Variants in DCAF5 observed in about 807,000 individuals in gnomAD.
DCAF5 encodes DDB1- and CUL4-associated factor 5.
In DCAF5, 9 loss-of-function variants were observed where a neutral mutation model predicts 80.7. The observed-to-expected ratio is 0.11, with a 90% CI of 0.07 to 0.19. The LOEUF is 0.19. Among genes scored for constraint, DCAF5 ranks in the 10% least tolerant of loss-of-function variants. DCAF5 has a pLI of 1.00. For missense variants in DCAF5, 842 were observed against 1,205.7 expected (o/e 0.70, Z 4.47); for synonymous variants, 433 against 461.9 (o/e 0.94, Z 0.80).
intron 1 of DCAF5, among the ~76,000 whole-genome samples, chr14:69,122,811 G>A (rs188734248): frequency 3.9e-5 from 6 of 152,246 alleles, no homozygotes; most frequent in Non-Finnish European, 8.8e-5. Flanking sequence ...TTCTTGATAT[G>A]ATCTCATTGA....
In DCAF5 at chr14:69,125,433, T is replaced by C. The variant is rs970960917; in HGVS notation, c.215-3073A>G. 2.6e-5 allele frequency among the ~76,000 whole-genome samples: 4 copies of C among 152,208 alleles called. No homozygotes were observed. The East Asian group carries it at 5.8e-4, about 22-fold the overall frequency. On this transcript the variant is annotated intron_variant, in intron 1 of 8. Transcript: ENST00000341516. ...ATGTCTAGAAGATGCAAAGAATTTC[T>C]ACAAATAATTCTTAAAACTCCAATA...
intron 7 of DCAF5, among the ~76,000 whole-genome samples, chr14:69,063,544 T>C (rs1338184709): frequency 6.6e-6 from 1 of 152,242 alleles, no homozygotes. Flanking sequence ...ACCAGGAGCA[T>C]GGCGCCACTA....
intron 5 of DCAF5, among the ~76,000 whole-genome samples, chr14:69,101,735 T>C (rs987928449): frequency 6.6e-6 from 1 of 152,228 alleles, no homozygotes; most frequent in Non-Finnish European, 1.5e-5. Flanking sequence ...ACCCCAGCTA[T>C]GTGGTATAAC....
At chr14:69,066,910 CGT>C (rs1566725920) in intron 7 of DCAF5, among the ~76,000 whole-genome samples, 4 of 152,186 alleles carry the variant, frequency 2.6e-5, no homozygotes, top group African/African-American at 4.8e-5. Context: ...AGAATGAGTA[CGT>C]TTTTGACTCA....
chr14:69,057,742 C>A (rs965484219), intron 8 of DCAF5, among the ~76,000 whole-genome samples: 1 of 152,104 alleles, frequency 6.6e-6, no homozygotes, highest in Non-Finnish European at 1.5e-5. Context: ...CCCACTGACT[C>A]CTAGTTAGTG....
chr14:69,063,601 C>T lies in DCAF5; in HGVS notation c.947-1090G>A, dbSNP rs547783539. 1.5e-3 allele frequency among the ~76,000 whole-genome samples: 226 copies of T among 152,336 alleles called. 5 individuals carry two copies. The South Asian group carries it at 0.027, about 18-fold the overall frequency. ...AGTCTCTGCTCCAAGTGCCTCCTTC[C>T]ACTCCCAACTCCACCTTGTTCAAAC... On this transcript the variant is annotated intron_variant, in intron 7 of 8. Coordinates refer to ENST00000341516, the MANE Select transcript of DCAF5 (RefSeq NM_003861.3).
At chr14:69,102,993 G>A (rs1194537762) in intron 5 of DCAF5, among the ~76,000 whole-genome samples, 1 of 152,122 alleles carries the variant, frequency 6.6e-6, no homozygotes, top group Non-Finnish European at 1.5e-5. Flanking sequence ...AGAATGTGTT[G>A]TGCTACATTA....
chr14:69,124,335 T>C (rs1400223555), intron 1 of DCAF5, among the ~76,000 whole-genome samples: 5 of 152,230 alleles, frequency 3.3e-5, no homozygotes, highest in African/African-American at 9.6e-5. Context: ...TTTGGGTATA[T>C]ACTGTTGGAA....
At chr14:69,085,712 T>C (rs2039290891) in intron 6 of DCAF5, among the ~76,000 whole-genome samples, 1 of 152,186 alleles carries the variant, frequency 6.6e-6, no homozygotes, top group Non-Finnish European at 1.5e-5. Context: ...TTTTTGTACC[T>C]TTAAAAAAAA....
chr14:69,071,945 C>T (rs1197738412), intron 7 of DCAF5, among the ~76,000 whole-genome samples: 1 of 152,214 alleles, frequency 6.6e-6, no homozygotes, highest in Non-Finnish European at 1.5e-5. Flanking sequence ...AAACCATGCA[C>T]ATGGCCAGGA....
chr14:69,095,539 GTTTT>G (rs1242548017), intron 5 of DCAF5, among the ~76,000 whole-genome samples: 1 of 138,500 alleles, frequency 7.2e-6, no homozygotes, highest in South Asian at 2.7e-4. Context: ...GTTTTGTTTT[GTTTT>G]TTTAAGTACA....
intron 5 of DCAF5, among the ~76,000 whole-genome samples, chr14:69,106,188 C>T (rs777995966): frequency 5.3e-5 from 8 of 150,786 alleles, no homozygotes; most frequent in Non-Finnish European, 1.0e-4. Flanking sequence ...CCCCGAGTAG[C>T]TGGAATTACA....
At chr14:69,074,593 T>C (rs1450464718) in intron 7 of DCAF5, among the ~76,000 whole-genome samples, 1 of 152,158 alleles carries the variant, frequency 6.6e-6, no homozygotes, top group Non-Finnish European at 1.5e-5. Context: ...GGAACATACC[T>C]GTCCATCAAC....
At chr14:69,056,116 T>C (rs766791445) in intron 8 of DCAF5, among the ~76,000 whole-genome samples, 4 of 152,356 alleles carry the variant, frequency 2.6e-5, no homozygotes, top group Middle Eastern at 3.4e-3. Context: ...TCTGAGCCTA[T>C]AGCTCCACTT....
chr14:69,123,752 G>A (rs1173151082), intron 1 of DCAF5, among the ~76,000 whole-genome samples: 1 of 152,192 alleles, frequency 6.6e-6, no homozygotes, highest in East Asian at 1.9e-4. Context: ...AGTATGCAGT[G>A]CAGTGGCGCA....
rs181574904 is a variant in DCAF5 at position 69,123,715 on chromosome 14, G to A, written c.215-1355C>T. ...AGTCACTGTTCTTTTTTTTTGAGAC[G>A]GAGTCTCGCACTGTTGCCCAGGCTG... is the stretch of plus-strand genomic sequence containing the variant. On this transcript the variant is annotated intron_variant, in intron 1 of 8. Coordinates refer to ENST00000341516, the MANE Select transcript of DCAF5 (RefSeq NM_003861.3). Among the ~76,000 whole-genome samples, 4 of 151,534 alleles carry A rather than the reference G, an allele frequency of 2.6e-5. No individual in the cohort carries two copies. The East Asian group carries it at 5.8e-4, about 22-fold the overall frequency.
intron 6 of DCAF5, among the ~76,000 whole-genome samples, chr14:69,081,495 T>C (rs1395600237): frequency 6.6e-6 from 1 of 152,172 alleles, no homozygotes; most frequent in Non-Finnish European, 1.5e-5. Context: ...ATCTGAATGT[T>C]TACTGATCTA....
In DCAF5 at chr14:69,054,797, G is replaced by T; in HGVS notation, c.1889C>A (p.Thr630Asn). ...GGAAGTGCTCCGCTCAGGGGACGAGGTTGGGGAGGAGGAGAGGTCATCCAC... is the reference window on the plus strand; with the variant it reads ...GGAAGTGCTCCGCTCAGGGGACGAGTTTGGGGAGGAGGAGAGGTCATCCAC... ...IKVDDLSSSPTSSPERSTSTL... is the reference protein window; with the variant it reads ...IKVDDLSSSPNSSPERSTSTL... The change falls in exon 9 of 9, where the codon ACC becomes AAC. Residue 630 changes from threonine (T) to asparagine (N), a missense_variant. By Grantham distance (65) the Thr-to-Asn change is moderately conservative. Coordinates refer to ENST00000341516, the MANE Select transcript of DCAF5 (RefSeq NM_003861.3). 1 of 1,614,268 alleles carries T rather than the reference G, an allele frequency of 6.2e-7. No homozygotes were observed. Among genetic ancestry groups the T allele is most frequent in the Admixed American group, 1.7e-5 (1 of 60,028 alleles).
At chr14:69,139,277 G>T (rs749400076) in intron 1 of DCAF5, among the ~76,000 whole-genome samples, 4 of 150,666 alleles carry the variant, frequency 2.7e-5, no homozygotes, top group Non-Finnish European at 5.9e-5. Flanking sequence ...CTTGAGGCCA[G>T]GAGTTCAAGA....
Sources: gnomAD v4.1 joint callset for allele counts (sites outside exome capture counted in the v4.1 genomes callset) on GRCh38, gnomAD v4.1.1 for gene constraint, MANE v1.5 for transcripts, NCBI Gene and HGNC (gene_info 2026-07-23, HGNC 2026-07-21) for gene names.